Variants in ZFHX4 observed in about 807,000 individuals in gnomAD.
The protein encoded by ZFHX4 is zinc finger homeobox protein 4.
In ZFHX4, 56 loss-of-function variants were observed where a neutral mutation model predicts 267.6. The ratio of observed to expected loss-of-function variants is 0.21; its 90% CI spans 0.17 to 0.26. The LOEUF is 0.26. Among genes scored for constraint, ZFHX4 ranks in the 10% least tolerant of loss-of-function variants. The pLI, the probability that ZFHX4 is intolerant of heterozygous loss-of-function variation, is 1.00. For synonymous variants in ZFHX4, 1,778 were observed against 1,665.6 expected, an observed-to-expected ratio of 1.07 and a Z score of -1.64; for missense variants, 4,332 against 4,420.0, an observed-to-expected ratio of 0.98 and a Z score of 0.56.
intron 4 of ZFHX4, 129 bp downstream of exon 4, chr8:76,778,568 C>T (rs193162578): frequency 2.7e-5 from 20 of 748,646 alleles, no homozygotes; most frequent in Admixed American, 6.8e-5. Flanking sequence ...GTGTAAAACA[C>T]GGCAGCTCTT....
At position 76,842,707 on chromosome 8, in the gene ZFHX4, G is replaced by T. The variant is rs1250374638; in HGVS notation, c.3447G>T (p.Glu1149Asp). 2 of 1,554,566 alleles carry T rather than the reference G, an allele frequency of 1.3e-6. No individual in the cohort carries two copies. Among genetic ancestry groups the T allele is most frequent in the Non-Finnish European group, 1.7e-6 (2 of 1,148,838 alleles). Residue 1149 changes from glutamate (E) to aspartate (D), a missense_variant, in exon 6 of 11, where the codon GAG (glutamate) becomes GAT (aspartate). Around this residue, in one of 7 missense-constraint regions of ZFHX4, gnomAD observed 1,371 missense variants for 1,423.1 expected, o/e 0.96. Coordinates refer to ENST00000651372, the MANE Select transcript of ZFHX4 (RefSeq NM_024721.5). The part of the protein sequence containing the change: ...EGAIKPTAVA[E>D]DDEKDTSERD... ...CTATTAAGCCTACAGCAGTGGCCGA[G>T]GACGATGAAAAAGACACAAGTGAGA...
rs746785062 is a variant in ZFHX4 at position 76,769,098 on chromosome 8, A to C, written c.3094-9110A>C. 4.5e-4 allele frequency among the ~76,000 whole-genome samples: 68 copies of C among 152,048 alleles called. 1 individual carries two copies. The highest frequency in any genetic ancestry group is 9.8e-4 in the Admixed American group (15 of 15,260). On this transcript the variant is annotated intron_variant, in intron 3 of 10. Transcript: ENST00000651372. ...GGGAAACAGAGTAAGACCCTGTCTC[A>C]ATAAAATAAAATAAAGTAGAGGGCT...
Position 76,845,465 on chromosome 8 carries a change from T to A in ZFHX4, c.3511+2694T>A, listed in dbSNP as rs1331926710. On this transcript the variant is annotated intron_variant, in intron 6 of 10. Transcript: ENST00000651372. ...GGAAATTAACCTTCATTATTGCAAT[T>A]AAAATTATCCTTTCATTCTAGTCTC... Among the ~76,000 whole-genome samples, 3 of 152,022 alleles carry A rather than the reference T, an allele frequency of 2.0e-5. No individual in the cohort carries two copies. The South Asian group carries it at 6.2e-4, about 31-fold the overall frequency.
intron 4 of ZFHX4, among the ~76,000 whole-genome samples, chr8:76,792,965 A>G (rs1178351779): frequency 6.6e-6 from 1 of 152,136 alleles, no homozygotes; most frequent in Admixed American, 6.6e-5. Flanking sequence ...CCTCTCTGGA[A>G]CCACATTGCC....
intron 3 of ZFHX4, among the ~76,000 whole-genome samples, chr8:76,742,616 T>C (rs897858405): frequency 2.6e-5 from 4 of 152,200 alleles, no homozygotes; most frequent in Non-Finnish European, 5.9e-5. Flanking sequence ...TTTTAGACTT[T>C]GTTTCACTGT....
intron 3 of ZFHX4, among the ~76,000 whole-genome samples, chr8:76,739,286 A>T (rs571915099): frequency 6.6e-6 from 1 of 152,284 alleles, no homozygotes; most frequent in African/African-American, 2.4e-5. Context: ...GTTATTCTTA[A>T]GCCTTTATTT....
chr8:76,693,695 T>C (rs1336164437), intron 1 of ZFHX4, among the ~76,000 whole-genome samples: 2 of 152,216 alleles, frequency 1.3e-5, no homozygotes, highest in Non-Finnish European at 2.9e-5. Flanking sequence ...TCTGGGATTG[T>C]AAAGGTAAAC....
At chr8:76,778,528 T>A in intron 4 of ZFHX4, 89 bp downstream of exon 4, 9 of 1,069,536 alleles carry the variant, frequency 8.4e-6, no homozygotes, top group African/African-American at 1.6e-5. Flanking sequence ...CACACACGCC[T>A]CAAACTCTCC....
At chr8:76,807,106 T>G (rs1242911482) in intron 4 of ZFHX4, among the ~76,000 whole-genome samples, 1 of 152,116 alleles carries the variant, frequency 6.6e-6, no homozygotes, top group Non-Finnish European at 1.5e-5. Flanking sequence ...CATCACAATA[T>G]ATTCCAAATT....
At chr8:76,721,535 T>C (rs1298879452) in intron 3 of ZFHX4, among the ~76,000 whole-genome samples, 1 of 152,192 alleles carries the variant, frequency 6.6e-6, no homozygotes, top group Admixed American at 6.6e-5. Context: ...TTTTTCTCTG[T>C]GCTTTATTTT....
chr8:76,775,166 A>G (rs1451541038), intron 3 of ZFHX4, among the ~76,000 whole-genome samples: 1 of 152,362 alleles, frequency 6.6e-6, no homozygotes, highest in East Asian at 1.9e-4. Flanking sequence ...GCAAAGATCC[A>G]TGGAAGAAAT....
At chr8:76,848,876 C>A in intron 6 of ZFHX4, 119 bp from the exon 7 acceptor site, 2 of 955,300 alleles carry the variant, frequency 2.1e-6, no homozygotes, top group Non-Finnish European at 1.5e-6. Context: ...ATTTAAAATG[C>A]TTGTCGGTTC....
At chr8:76,693,748 C>G (rs1807883469) in intron 1 of ZFHX4, among the ~76,000 whole-genome samples, 1 of 152,030 alleles carries the variant, frequency 6.6e-6, no homozygotes, top group African/African-American at 2.4e-5. Flanking sequence ...TGAAAGCTTG[C>G]AGGAAAAATA....
chr8:76,719,387 A>C (rs1325845361), intron 3 of ZFHX4, among the ~76,000 whole-genome samples: 1 of 152,066 alleles, frequency 6.6e-6, no homozygotes, highest in African/African-American at 2.4e-5. Flanking sequence ...CTCGTCAAGA[A>C]GCACTGAAAT....
At chr8:76,835,337 A>G (rs1330356275) in intron 5 of ZFHX4, among the ~76,000 whole-genome samples, 1 of 149,202 alleles carries the variant, frequency 6.7e-6, no homozygotes, top group Non-Finnish European at 1.5e-5. Context: ...AAGGAAATTC[A>G]CTCCTACTAC....
At chr8:76,686,474 C>G (rs2131576860) in intron 1 of ZFHX4, among the ~76,000 whole-genome samples, 1 of 152,254 alleles carries the variant, frequency 6.6e-6, no homozygotes, top group East Asian at 1.9e-4. Flanking sequence ...CAATTAATCT[C>G]AATAAAATTA....
At chr8:76,710,720 A>AT (rs1314319037) in intron 3 of ZFHX4, among the ~76,000 whole-genome samples, 1 of 152,208 alleles carries the variant, frequency 6.6e-6, no homozygotes, top group African/African-American at 2.4e-5. Context: ...ATATTGATTC[A>AT]TAACACTAAA....
At position 76,707,853 on chromosome 8, in the gene ZFHX4, A is replaced by C. The variant is rs1235921677; in HGVS notation, c.2898A>C (p.Lys966Asn). The C allele has an allele frequency of 6.2e-7, 1 of 1,614,058 alleles. No homozygotes were observed. The highest frequency in any genetic ancestry group is 8.5e-7 in the Non-Finnish European group (1 of 1,179,998). Residue 966 changes from lysine (K) to asparagine (N), a missense_variant, in exon 3 of 11, where the codon AAA becomes AAC. Coordinates refer to ENST00000651372, the MANE Select transcript of ZFHX4 (RefSeq NM_024721.5). ...TCCAGCTACACTGCAAGACTGATAA[A>C]CATATGCAGAAATATCAACTGGTGG... ...ANFQLHCKTD[K>N]HMQKYQLVAH...
chr8:76,753,021 C>G (rs1241866918), intron 3 of ZFHX4, among the ~76,000 whole-genome samples: 1 of 152,098 alleles, frequency 6.6e-6, no homozygotes, highest in Non-Finnish European at 1.5e-5. Context: ...TGCATATGTT[C>G]ATATATGTGC....
Sources: gnomAD v4.1 joint callset for allele counts (sites outside exome capture counted in the v4.1 genomes callset) on GRCh38, gnomAD v4.1.1 for gene constraint, gnomAD v4.1.1 regional missense constraint, MANE v1.5 for transcripts, NCBI Gene and HGNC (gene_info 2026-07-23, HGNC 2026-07-21) for gene names.